COL25A1: variants seen among roughly 807,000 people sequenced by gnomAD.
The protein encoded by COL25A1 is collagen alpha-1(XXV) chain.
A neutral mutation model predicts 128.4 loss-of-function variants in COL25A1; 103 were observed. The observed-to-expected ratio is 0.80, with a 90% CI of 0.68 to 0.94. The LOEUF is 0.94. Ranked by LOEUF, COL25A1 falls within the 40% of genes least tolerant of loss-of-function variation. The pLI, the probability that COL25A1 is intolerant of heterozygous loss-of-function variation, is 0.00. For synonymous variants in COL25A1, 279 were observed against 277.2 expected (o/e 1.01, Z -0.06); for missense variants, 745 against 840.0 (o/e 0.89, Z 1.40).
At chr4:109,145,205 C>T (rs1770812586) in intron 3 of COL25A1, among the ~76,000 whole-genome samples, 3 of 151,692 alleles carry the variant, frequency 2.0e-5, no homozygotes, top group Non-Finnish European at 4.4e-5. Context: ...GTAGCTGGGA[C>T]TACAGGCGCC....
chr4:109,065,548 G>C (rs1472422910), intron 3 of COL25A1, among the ~76,000 whole-genome samples: 3 of 55,944 alleles, frequency 5.4e-5, no homozygotes, highest in African/African-American at 1.6e-4. Context: ...GCGCGCGCGT[G>C]TGTGTGTGTG....
At chr4:108,924,571 T>G (rs1745826059) in intron 11 of COL25A1, among the ~76,000 whole-genome samples, 2 of 152,164 alleles carry the variant, frequency 1.3e-5, no homozygotes, top group South Asian at 4.1e-4. Context: ...TGGTCCAGCC[T>G]TCTTCTCCAG....
At chr4:108,975,519 G>T (rs1752352643) in intron 6 of COL25A1, among the ~76,000 whole-genome samples, 1 of 152,190 alleles carries the variant, frequency 6.6e-6, no homozygotes, top group Non-Finnish European at 1.5e-5. Context: ...TTTCTGCTGG[G>T]TGTATATCTA....
chr4:108,921,455 T>C (rs1346492759), intron 11 of COL25A1, among the ~76,000 whole-genome samples: 1 of 152,170 alleles, frequency 6.6e-6, no homozygotes, highest in Non-Finnish European at 1.5e-5. Context: ...TCAAAAATAT[T>C]TTTAGTACGT....
chr4:109,113,987 T>G (rs1767286428), intron 3 of COL25A1, among the ~76,000 whole-genome samples: 1 of 152,080 alleles, frequency 6.6e-6, no homozygotes, highest in Admixed American at 6.6e-5. Context: ...ATTAAGCACC[T>G]AGCTGAAGGT....
chr4:109,182,179 T>C (rs2526453), intron 3 of COL25A1, among the ~76,000 whole-genome samples: 24,623 of 152,060 alleles, frequency 0.16, 4,491 homozygotes, highest in African/African-American at 0.45. Flanking sequence ...GATATCTTTA[T>C]GAGGTGGTGA....
chr4:108,886,443 T>C (rs1400216028), intron 18 of COL25A1, among the ~76,000 whole-genome samples: 1 of 8,084 alleles, frequency 1.2e-4, no homozygotes, highest in Non-Finnish European at 2.7e-4. Context: ...TATGAGATTT[T>C]GTGTGTGTGT....
At chr4:109,079,176 C>A (rs534550716) in intron 3 of COL25A1, among the ~76,000 whole-genome samples, 6 of 152,296 alleles carry the variant, frequency 3.9e-5, no homozygotes, top group African/African-American at 1.2e-4. Flanking sequence ...AAGATTCAGA[C>A]TGAACTAAAG....
At chr4:109,084,840 C>T in intron 3 of COL25A1, among the ~76,000 whole-genome samples, 1 of 152,176 alleles carries the variant, frequency 6.6e-6, no homozygotes, top group Admixed American at 6.5e-5. Flanking sequence ...CTGCAATATA[C>T]TGTCTAGTAC....
chr4:109,008,051 T>A (rs74571687), intron 6 of COL25A1, among the ~76,000 whole-genome samples: 4,971 of 152,306 alleles, frequency 0.033, 213 homozygotes, highest in African/African-American at 0.11. Flanking sequence ...ATATCTGAAT[T>A]TTCTACTCTG....
intron 3 of COL25A1, among the ~76,000 whole-genome samples, chr4:109,188,979 A>T (rs959123584): frequency 6.6e-6 from 1 of 152,124 alleles, no homozygotes; most frequent in African/African-American, 2.4e-5. Context: ...ACAGTTTTTT[A>T]AATTATTTTT....
chr4:108,911,419 C>T (rs56366605), intron 13 of COL25A1, among the ~76,000 whole-genome samples: 69,492 of 151,824 alleles, frequency 0.46, 18,565 homozygotes, highest in East Asian at 0.93. Flanking sequence ...TATAATACTT[C>T]GCAATACTCT....
chr4:109,147,791 TG>T (rs1771091642), intron 3 of COL25A1, among the ~76,000 whole-genome samples: 2 of 147,712 alleles, frequency 1.4e-5, no homozygotes, highest in South Asian at 4.3e-4. Context: ...CACTCCAGCC[TG>T]GATGACACAG....
rs141866422 is a variant in COL25A1, at chr4:108,857,581, C to T, written c.1320+2075G>A. 6.8e-3 allele frequency among the ~76,000 whole-genome samples: 976 copies of T among 143,426 alleles called. 12 individuals carry two copies. Among genetic ancestry groups the T allele is most frequent in the African/African-American group, 0.025 (927 of 37,068 alleles). The allele number at this position is 143,426 out of a possible 152,430, so 94.1% of individuals were successfully genotyped here. On this transcript the variant is annotated intron_variant, in intron 24 of 37. Coordinates refer to ENST00000399132, the MANE Select transcript of COL25A1 (RefSeq NM_198721.4). ...TGAAAATAGATTTAAAAAAAAAAAA[C>T]GACTTAGTGCTCTACTAGTTAAAAA...
chr4:109,215,855 T>C (rs1349692104), intron 3 of COL25A1, among the ~76,000 whole-genome samples: 2 of 152,124 alleles, frequency 1.3e-5, no homozygotes, highest in East Asian at 3.9e-4. Context: ...TTTTCTACAT[T>C]CTAAAATCAA....
At chr4:109,113,241 A>C (rs1767192839) in intron 3 of COL25A1, among the ~76,000 whole-genome samples, 1 of 152,130 alleles carries the variant, frequency 6.6e-6, no homozygotes, top group African/African-American at 2.4e-5. Context: ...CTGATGACAG[A>C]AACAAATTGT....
intron 35 of COL25A1, among the ~76,000 whole-genome samples, chr4:108,820,201 G>T (rs187275302): frequency 1.9e-3 from 295 of 152,312 alleles, no homozygotes; most frequent in African/African-American, 5.8e-3. Context: ...CTGAGTCACA[G>T]ATCCTGTGAG....
chr4:109,046,825 C>A (rs531473859), intron 5 of COL25A1, among the ~76,000 whole-genome samples: 1 of 152,268 alleles, frequency 6.6e-6, no homozygotes, highest in African/African-American at 2.4e-5. Flanking sequence ...AGTCTGCGAA[C>A]CTTGGAGCAA....
rs200991978 is a variant in COL25A1 at position 108,954,299 on chromosome 4, T to C, written c.493-12862A>G. Among the ~76,000 whole-genome samples the C allele has an allele frequency of 1.8e-3, 281 of 152,258 alleles. 2 individuals carry two copies. The highest frequency in any genetic ancestry group is 6.4e-3 in the African/African-American group (265 of 41,572). ...AAATAAACTTTCTACTTTTTGGTTT[T>C]AATTTCCTAGTTGTGGTTGATAATG... is the stretch of plus-strand genomic sequence containing the variant. On this transcript the variant is annotated intron_variant, in intron 8 of 37. Transcript: ENST00000399132.
Sources: allele counts gnomAD v4.1 joint callset (sites outside exome capture counted in the v4.1 genomes callset), GRCh38; gene constraint gnomAD v4.1.1; transcripts MANE v1.5; gene names NCBI Gene and HGNC (gene_info 2026-07-23, HGNC 2026-07-21).